The following HDAC4 variants were observed in gnomAD, a reference collection of about 807,000 sequenced individuals.
The protein encoded by HDAC4 is histone deacetylase A.
A neutral mutation model predicts 135.1 loss-of-function variants in HDAC4; 16 were observed. The ratio of observed to expected loss-of-function variants is 0.12; its 90% CI spans 0.08 to 0.18. HDAC4 has a LOEUF of 0.18. Among genes scored for constraint, HDAC4 ranks in the 10% least tolerant of loss-of-function variants. The pLI, the probability that HDAC4 is intolerant of heterozygous loss-of-function variation, is 1.00. For missense variants in HDAC4, 1,143 were observed against 1,511.8 expected, an observed-to-expected ratio of 0.76 and a Z score of 4.05; for synonymous variants, 685 against 653.4, an observed-to-expected ratio of 1.05 and a Z score of -0.74.
At position 239,141,370 on chromosome 2, in the gene HDAC4, G is replaced by A. The variant is rs1051183694; in HGVS notation, c.866-1574C>T. Among the ~76,000 whole-genome samples, 1 of 152,260 alleles carries A rather than the reference G, an allele frequency of 6.6e-6. No individual in the cohort carries two copies. Among genetic ancestry groups the A allele is most frequent in the Admixed American group, 6.5e-5 (1 of 15,300 alleles). ...GAGTGTGGGGTCAGCTCACTGTCCT[G>A]GGCATTGAGCATGAATACAGGACTG... On this transcript the variant is annotated intron_variant, in intron 8 of 26. Coordinates refer to ENST00000543185, the MANE Select transcript of HDAC4 (RefSeq NM_001378414.1). This position sits in a 1 kb window ranked among gnomAD's most constrained non-coding sequence, Gnocchi z 4.9.
intron 1 of HDAC4, among the ~76,000 whole-genome samples, chr2:239,393,593 C>A (rs1053569279): frequency 1.3e-5 from 2 of 152,046 alleles, no homozygotes; most frequent in African/African-American, 2.4e-5. Flanking sequence ...AAGGACCACA[C>A]CCCATTCCCA....
intron 3 of HDAC4, chr2:239,190,990 A>G (rs1308043151): frequency 2.1e-6 from 1 of 465,506 alleles, no homozygotes; most frequent in East Asian, 7.0e-5. Flanking sequence ...CTGAGCCAGC[A>G]CTGCTCCTGG....
intron 12 of HDAC4, among the ~76,000 whole-genome samples, chr2:239,119,800 G>A (rs1254303822): frequency 6.6e-6 from 1 of 152,228 alleles, no homozygotes; most frequent in South Asian, 2.1e-4. Context: ...TCCTGCCTGT[G>A]CCACAGGAAG....
rs546078248 is a variant in HDAC4 at position 239,306,688 on chromosome 2, G to A, written c.22+45990C>T. 9.9e-5 allele frequency among the ~76,000 whole-genome samples: 15 copies of A among 152,226 alleles called. No individual in the cohort carries two copies. The highest frequency in any genetic ancestry group is 3.4e-4 in the African/African-American group (14 of 41,538). On this transcript the variant is annotated intron_variant, in intron 2 of 26. Transcript: ENST00000543185. The surrounding 1 kb of genome is among the most constrained non-coding windows in gnomAD (Gnocchi z 4.5). ...AGGTGATGGCAGAACCCAGGTCCTC[G>A]GGCGCAGAGCATCCAGGGCCCAGGG... is the stretch of plus-strand genomic sequence containing the variant.
intron 2 of HDAC4, among the ~76,000 whole-genome samples, chr2:239,258,469 G>A (rs571036364): frequency 5.9e-5 from 9 of 152,168 alleles, no homozygotes; most frequent in South Asian, 2.1e-4. Context: ...ATTTCTCAAC[G>A]GAAACACGTA....
intron 11 of HDAC4, among the ~76,000 whole-genome samples, chr2:239,128,111 C>T (rs2040320035): frequency 6.6e-6 from 1 of 152,164 alleles, no homozygotes; most frequent in African/African-American, 2.4e-5. Context: ...CCTTTTCACC[C>T]AACCCCACAA....
intron 17 of HDAC4, chr2:239,094,419 A>G (rs763026953): frequency 8.0e-6 from 5 of 622,992 alleles, no homozygotes; most frequent in Non-Finnish European, 9.5e-6. Context: ...AGCTCGTAGA[A>G]GCCAGCACAG....
At chr2:239,064,122 C>T (rs558136821) in intron 24 of HDAC4, among the ~76,000 whole-genome samples, 15 of 152,352 alleles carry the variant, frequency 9.8e-5, no homozygotes, top group South Asian at 2.1e-4. Flanking sequence ...ACACAGCTGA[C>T]GCGCACCGCC....
chr2:239,368,540 C>T (rs561816298), intron 1 of HDAC4, among the ~76,000 whole-genome samples: 1 of 152,204 alleles, frequency 6.6e-6, no homozygotes, highest in Admixed American at 6.5e-5. Context: ...AGCCGCCCAC[C>T]CACTTCCTTC....
At chr2:239,253,808 C>G (rs1055923382) in intron 2 of HDAC4, among the ~76,000 whole-genome samples, 2 of 152,020 alleles carry the variant, frequency 1.3e-5, no homozygotes, top group Admixed American at 1.3e-4. Flanking sequence ...TCCTGGGGCC[C>G]AAGAGTCATC....
intron 1 of HDAC4, among the ~76,000 whole-genome samples, chr2:239,354,929 A>G (rs1235787367): frequency 2.0e-5 from 3 of 152,150 alleles, no homozygotes; most frequent in Non-Finnish European, 4.4e-5. Context: ...AAAATCTTAG[A>G]TCACAAATAT....
intron 7 of HDAC4, among the ~76,000 whole-genome samples, chr2:239,147,986 A>AG (rs1366606193): frequency 1.3e-5 from 2 of 152,166 alleles, no homozygotes; most frequent in African/African-American, 2.4e-5. Context: ...TTTAACTCTT[A>AG]GGGGCCGGGT....
intron 2 of HDAC4, among the ~76,000 whole-genome samples, chr2:239,246,936 T>C (rs976406144): frequency 2.6e-5 from 4 of 152,214 alleles, no homozygotes; most frequent in Admixed American, 2.6e-4. Flanking sequence ...GCGAGGAGGA[T>C]CACCTGGCAT....
intron 3 of HDAC4, among the ~76,000 whole-genome samples, chr2:239,219,457 C>T (rs943358695): frequency 7.8e-4 from 86 of 110,124 alleles, no homozygotes; most frequent in Middle Eastern, 4.5e-3. Context: ...CATCACACAC[C>T]GGGGACTGTT....
chr2:239,163,094 C>CT (rs397709991), intron 6 of HDAC4, among the ~76,000 whole-genome samples: 11 of 151,814 alleles, frequency 7.2e-5, no homozygotes, highest in Non-Finnish European at 1.0e-4. Flanking sequence ...AACTCTCCCC[C>CT]GAAGGCCTTC....
intron 2 of HDAC4, among the ~76,000 whole-genome samples, chr2:239,274,053 C>T (rs1324933399): frequency 6.6e-6 from 1 of 152,230 alleles, no homozygotes; most frequent in Non-Finnish European, 1.5e-5. Context: ...GTGAGGCAGG[C>T]CTGGCCCTGC....
intron 3 of HDAC4, among the ~76,000 whole-genome samples, chr2:239,197,150 G>A (rs932274879): frequency 2.6e-5 from 4 of 152,196 alleles, no homozygotes; most frequent in Admixed American, 6.5e-5. Context: ...AGGCATGAGA[G>A]TAAGTTCTGC....
chr2:239,055,271 G>C, intron 24 of HDAC4: 2 of 251,428 alleles, frequency 8.0e-6, no homozygotes, highest in South Asian at 8.5e-5. Context: ...GTGGGGTCGG[G>C]GGAGATGAAA....
At chr2:239,202,075 G>A (rs1455094211) in intron 3 of HDAC4, among the ~76,000 whole-genome samples, 1 of 152,170 alleles carries the variant, frequency 6.6e-6, no homozygotes, top group African/African-American at 2.4e-5. Flanking sequence ...CGGGTCTGCT[G>A]GACCCGAGAA....
Sources: gnomAD v4.1 joint callset for allele counts (sites outside exome capture counted in the v4.1 genomes callset) on GRCh38, gnomAD v4.1.1 for gene constraint, Gnocchi (gnomAD v3.1) non-coding constraint, MANE v1.5 for transcripts, NCBI Gene and HGNC (gene_info 2026-07-23, HGNC 2026-07-21) for gene names.